Variants in LYZL4 observed in about 807,000 individuals in gnomAD.
The protein encoded by LYZL4 is lysozyme like 4.
A neutral mutation model predicts 17.6 loss-of-function variants in LYZL4; 13 were observed. The observed-to-expected ratio is 0.74, with a 90% CI of 0.48 to 1.18. The LOEUF is 1.18. Ranked by LOEUF, LYZL4 falls within the 50% of genes most tolerant of loss-of-function variation. The pLI is 0.00. For missense variants in LYZL4, 174 were observed against 188.2 expected, an observed-to-expected ratio of 0.92 and a Z score of 0.44; for synonymous variants, 64 against 67.7, an observed-to-expected ratio of 0.95 and a Z score of 0.27.
intron 1 of LYZL4, among the ~76,000 whole-genome samples, chr3:42,408,797 G>A (rs1261723116): frequency 2.6e-5 from 4 of 152,104 alleles, no homozygotes; most frequent in Non-Finnish European, 5.9e-5. Flanking sequence ...CACTTGGGCT[G>A]GAATATGCTT....
chr3:42,396,904 A>C (rs1279839161), downstream of LYZL4, among the ~76,000 whole-genome samples: 3 of 152,068 alleles, frequency 2.0e-5, no homozygotes, highest in Non-Finnish European at 2.9e-5. Context: ...CTTTGGTTCC[A>C]CTGTACCTGT....
downstream of LYZL4, among the ~76,000 whole-genome samples, chr3:42,396,072 A>G (rs1162649170): frequency 6.6e-6 from 1 of 152,200 alleles, no homozygotes; most frequent in African/African-American, 2.4e-5. Context: ...CAAAAAAAAG[A>G]AAAGAAAAAA....
At chr3:42,404,219 T>TA in intron 3 of LYZL4, 95 bp from the exon 4 acceptor site, 1 of 676,370 alleles carries the variant, frequency 1.5e-6, no homozygotes, top group South Asian at 2.2e-5. Flanking sequence ...CATCAGAGAG[T>TA]CTTCCAGTGA....
intron 4 of LYZL4, among the ~76,000 whole-genome samples, chr3:42,399,632 C>G (rs1018303880): frequency 5.9e-5 from 9 of 152,106 alleles, no homozygotes; most frequent in Non-Finnish European, 2.9e-5. Context: ...TCTGTGGGTA[C>G]ATTTTTCTCT....
At chr3:42,393,257 G>A (rs145896971), downstream of LYZL4, among the ~76,000 whole-genome samples, 99 of 152,276 alleles carry the variant, frequency 6.5e-4, no homozygotes, top group Middle Eastern at 3.4e-3. Context: ...GAGTGTGCAT[G>A]AGATGCAATC....
At chr3:42,362,565 T>TTCTAGCTGTGTCC in the LYZL4 span, among the ~76,000 whole-genome samples, 1 of 152,204 alleles carries the variant, frequency 6.6e-6, no homozygotes, top group Non-Finnish European at 1.5e-5. Context: ...AGATGGAACC[T>TTCTAGCTGTGTCC]TCTAGCTGTG....
At chr3:42,376,685 T>C in the LYZL4 span, among the ~76,000 whole-genome samples, 6 of 152,316 alleles carry the variant, frequency 3.9e-5, no homozygotes, top group South Asian at 1.2e-3. Context: ...GAGCAGCACC[T>C]GGCCCTATGT....
chr3:42,393,337 G>GCACA (rs3071913), downstream of LYZL4, among the ~76,000 whole-genome samples: 34,791 of 148,818 alleles, frequency 0.23, 4,133 homozygotes, highest in East Asian at 0.44. Flanking sequence ...GTGTGCGCGT[G>GCACA]CACACACACA....
the LYZL4 span, among the ~76,000 whole-genome samples, chr3:42,387,010 G>A: frequency 2.0e-5 from 3 of 151,992 alleles, no homozygotes; most frequent in Non-Finnish European, 2.9e-5. Flanking sequence ...TTATATTTGC[G>A]TTTTATTTCT....
intron 3 of LYZL4, among the ~76,000 whole-genome samples, chr3:42,404,748 A>G (rs544001779): frequency 1.2e-3 from 176 of 152,348 alleles, no homozygotes; most frequent in Admixed American, 3.7e-3. Flanking sequence ...ATTTCTGCCT[A>G]TGAAATATAA....
the LYZL4 span, among the ~76,000 whole-genome samples, chr3:42,372,433 AGGAGTTGATTT>A: frequency 6.6e-6 from 1 of 152,228 alleles, no homozygotes; most frequent in African/African-American, 2.4e-5. Flanking sequence ...CCCTGAGACA[AGGAGTTGATTT>A]GGAGGTGATT....
At chr3:42,389,721 T>C in the LYZL4 span, among the ~76,000 whole-genome samples, 1 of 152,230 alleles carries the variant, frequency 6.6e-6, no homozygotes, top group South Asian at 2.1e-4. Flanking sequence ...GCTTTATGTA[T>C]GCAGCAGCAT....
At chr3:42,379,859 G>A in the LYZL4 span, among the ~76,000 whole-genome samples, 1 of 152,194 alleles carries the variant, frequency 6.6e-6, no homozygotes, top group Non-Finnish European at 1.5e-5. Context: ...ATTAGGATTA[G>A]ATTAGCTCAT....
chr3:42,402,332 T>TTTA (rs1698672171), intron 4 of LYZL4, among the ~76,000 whole-genome samples: 1 of 149,136 alleles, frequency 6.7e-6, no homozygotes, highest in Non-Finnish European at 1.5e-5. Context: ...TTTTTTTTTT[T>TTTA]GAGATGTCTC....
downstream of LYZL4, among the ~76,000 whole-genome samples, chr3:42,394,688 C>A (rs1308393936): frequency 1.3e-5 from 2 of 152,104 alleles, no homozygotes. Flanking sequence ...ACTGGAACAC[C>A]CATTATCAGT....
rs140115032 is a variant in LYZL4, at chr3:42,399,226, A to G, written c.372-1892T>C. ...TGAGGAGAAACAGGCCCCTTCATGC[A>G]GTGTGGGTGGAGGGGCCCCTTCTCC... On this transcript the variant is annotated intron_variant, in intron 4 of 4. Transcript: ENST00000287748. Among the ~76,000 whole-genome samples the G allele has an allele frequency of 6.3e-3, 957 of 152,300 alleles. 6 individuals are homozygous for G. Among genetic ancestry groups the G allele is most frequent in the African/African-American group, 0.017 (698 of 41,572 alleles).
chr3:42,382,038 A>G, the LYZL4 span, among the ~76,000 whole-genome samples: 1 of 152,374 alleles, frequency 6.6e-6, no homozygotes, highest in Admixed American at 6.5e-5. Context: ...AAAACAGAGC[A>G]GGCCAATTCT....
At chr3:42,376,872 GA>G in the LYZL4 span, among the ~76,000 whole-genome samples, 1 of 152,222 alleles carries the variant, frequency 6.6e-6, no homozygotes, top group Non-Finnish European at 1.5e-5. Flanking sequence ...TGTTGGCAAG[GA>G]AAGGGGAAAG....
chr3:42,370,858 A>G, the LYZL4 span, among the ~76,000 whole-genome samples: 1 of 152,216 alleles, frequency 6.6e-6, no homozygotes, highest in Non-Finnish European at 1.5e-5. Context: ...CCTCTCCAGA[A>G]TTGACTATGC....
Sources: gnomAD v4.1 joint callset for allele counts (sites outside exome capture counted in the v4.1 genomes callset) on GRCh38, gnomAD v4.1.1 for gene constraint, MANE v1.5 for transcripts, NCBI Gene and HGNC (gene_info 2026-07-23, HGNC 2026-07-21) for gene names.